Variants in MMP11 observed in about 807,000 individuals in gnomAD.
The protein encoded by MMP11 is stromelysin-3.
A neutral mutation model predicts 49.5 loss-of-function variants in MMP11; 26 were observed. That is an observed-to-expected ratio of 0.52 (90% CI 0.38 to 0.73). The LOEUF (loss-of-function observed/expected upper bound fraction) is 0.73, where lower values mean the gene tolerates loss of function less well. Among genes scored for constraint, MMP11 ranks in the 30% least tolerant of loss-of-function variants. The pLI is 0.00. For synonymous variants in MMP11, 265 were observed against 282.3 expected (o/e 0.94, Z 0.62); for missense variants, 624 against 671.2 (o/e 0.93, Z 0.78).
chr22:23,777,956 G>A (rs1022302068), intron 1 of MMP11: 7 of 152,298 alleles, frequency 4.6e-5, no homozygotes, highest in African/African-American at 1.7e-4. Context: ...GGAGCAGGGA[G>A]CGTTGGGACG....
chr22:23,781,797 T>G (rs1254893261), intron 6 of MMP11: 2 of 584,876 alleles, frequency 3.4e-6, no homozygotes, highest in Non-Finnish European at 6.6e-6. Flanking sequence ...GAGCTGGGAT[T>G]TCCATCCTCA....
rs1412333856 is a variant in MMP11, at chr22:23,772,903, C to G, written c.33C>G (p.Ala11=). 3 of 1,172,596 alleles carry G rather than the reference C, an allele frequency of 2.6e-6. No individual in the cohort carries two copies. The highest frequency in any genetic ancestry group is 4.1e-5 in the South Asian group (1 of 24,630). 72.6% of individuals were successfully genotyped at this position (1,172,596 alleles called of 1,614,324 possible). The change falls in exon 1 of 8, where the codon GCC becomes GCG. Residue 11 remains alanine (A), a synonymous_variant. Transcript: ENST00000215743. MAPAAWLRSA[A]ARALLPPMLL... ...CGGCCGCCTGGCTCCGCAGCGCGGC[C>G]GCGCGCGCCCTCCTGCCCCCGATGC...
In MMP11 at chr22:23,781,170, T is replaced by A. The variant is rs1410478261; in HGVS notation, c.859-23T>A. The stretch of plus-strand genomic sequence containing the variant: ...GTGACTGCAGCATATGCCCTCAGCA[T>A]GTGTCCCTCTCTCCCACCCCAGCCA... On this transcript the variant is annotated intron_variant, in intron 5 of 7. Transcript: ENST00000215743. 3 of 1,610,176 alleles carry A rather than the reference T, an allele frequency of 1.9e-6. No homozygotes were observed. In the South Asian group the frequency reaches 3.3e-5, roughly 18 times the overall value.
Position 23,780,771 on chromosome 22 carries a change from G to T in MMP11, c.616+56G>T. On this transcript the variant is annotated intron_variant, in intron 4 of 7. Coordinates refer to ENST00000215743, the MANE Select transcript of MMP11 (RefSeq NM_005940.5). The surrounding 1 kb of genome is among the most constrained non-coding windows in gnomAD (Gnocchi z 4.6). Reference sequence around the variant, plus strand: ...GGCAACCGAAGATCATAAAGAATGGGGACTCGCCAAGGTCACTGAGCTGGG... The same window carrying T: ...GGCAACCGAAGATCATAAAGAATGGTGACTCGCCAAGGTCACTGAGCTGGG... The T allele has an allele frequency of 5.1e-6, 8 of 1,558,040 alleles. No individual in the cohort carries two copies. The highest frequency in any genetic ancestry group is 6.9e-6 in the Non-Finnish European group (8 of 1,153,306).
rs756519070 is a variant in MMP11, at chr22:23,780,673, C to CA, written c.575dup (p.His192GlnfsTer5). ...CAAGACTCACCGAGAAGGGGATGTC[C>CA]ACTTCGACTATGATGAGACCTGGAC... On this transcript the variant is annotated frameshift_variant, in exon 4 of 8. Transcript: ENST00000215743. LOFTEE classifies it high-confidence loss of function. This position sits in a 1 kb window ranked among gnomAD's most constrained non-coding sequence, Gnocchi z 4.6. 1 of 1,577,554 alleles carries CA rather than the reference C, an allele frequency of 6.3e-7. No homozygotes were observed.
chr22:23,778,754 G>A (rs1357647927), intron 1 of MMP11, among the ~76,000 whole-genome samples: 2 of 152,238 alleles, frequency 1.3e-5, no homozygotes, highest in Non-Finnish European at 2.9e-5. Context: ...ACCCAGGTGT[G>A]TCTGAACTTA....
chr22:23,779,808 T>C (rs1927550693), intron 2 of MMP11: 1 of 289,486 alleles, frequency 3.5e-6, no homozygotes. Flanking sequence ...AGCCATGTCA[T>C]TGTCCAACTC....
chr22:23,774,918 T>G (rs977262128), intron 1 of MMP11, among the ~76,000 whole-genome samples: 2 of 152,128 alleles, frequency 1.3e-5, no homozygotes, highest in Admixed American at 6.5e-5. Context: ...CGGGGTTGAC[T>G]CCGAGTCTCT....
chr22:23,783,904 T>C lies in MMP11; in HGVS notation c.*360T>C. 3.8e-6 allele frequency: 1 copy of C among 261,146 alleles called. No individual in the cohort carries two copies. The highest frequency in any genetic ancestry group is 7.7e-6 in the Non-Finnish European group (1 of 130,372). 16.2% of individuals were successfully genotyped at this position (261,146 alleles called of 1,614,324 possible). A position where few individuals can be genotyped will look rare whatever the true frequency, so the allele number is the denominator to read the frequency against. ...AACTGGAGTGTCCTTGCTGTATCCC[T>C]GTTGTGAGGTTCCTTCCAGGGGCTG... On this transcript the variant is annotated 3_prime_UTR_variant, in exon 8 of 8. Coordinates refer to ENST00000215743, the MANE Select transcript of MMP11 (RefSeq NM_005940.5).
In MMP11 at chr22:23,783,555, G is replaced by T. The variant is rs770048394; in HGVS notation, c.*11G>T. On this transcript the variant is annotated 3_prime_UTR_variant, in exon 8 of 8. Coordinates refer to ENST00000215743, the MANE Select transcript of MMP11 (RefSeq NM_005940.5). The stretch of plus-strand genomic sequence containing the variant: ...AACACTTTCCTCTGACCATGGCTTG[G>T]ATGCCCTCAGGGGTGCTGACCCCTG... The T allele has an allele frequency of 4.3e-6, 7 of 1,614,098 alleles. No individual in the cohort carries two copies. The highest frequency in any genetic ancestry group is 5.1e-6 in the Non-Finnish European group (6 of 1,179,994).
At chr22:23,782,650 T>G in intron 7 of MMP11, 167 bp downstream of exon 7, 1 of 837,716 alleles carries the variant, frequency 1.2e-6, no homozygotes, top group Non-Finnish European at 1.8e-6. Context: ...AGTGCTACAT[T>G]CCATATTGCA....
rs756706028 is a variant in MMP11 at position 23,782,280 on chromosome 22, T to C, written c.1130T>C (p.Leu377Pro). The change falls in exon 7 of 8, where the codon CTC (leucine) becomes CCC (proline). Residue 377 changes from leucine (L) to proline (P), a missense_variant. Transcript: ENST00000215743. ...AAGCCAGTCCTGGGCCCCGCACCCC[T>C]CACCGAGCTGGGCCTGGTGAGGTTC... ...GEKPVLGPAP[L>P]TELGLVRFPV... is the part of the protein sequence containing the mutation. 1 of 1,613,606 alleles carries C rather than the reference T, an allele frequency of 6.2e-7. No homozygotes were observed. The highest frequency in any genetic ancestry group is 1.3e-5 in the African/African-American group (1 of 74,818).
At position 23,783,912 on chromosome 22, in the gene MMP11, G is replaced by C. The variant is rs1277115612; in HGVS notation, c.*368G>C. 1 of 247,428 alleles carries C rather than the reference G, an allele frequency of 4.0e-6. No individual in the cohort carries two copies. Among genetic ancestry groups the C allele is most frequent in the South Asian group, 6.9e-5 (1 of 14,528 alleles). The allele number at this position is 247,428 out of a possible 1,614,324, so 15.3% of individuals were successfully genotyped here. A position where few individuals can be genotyped will look rare whatever the true frequency, so the allele number is the denominator to read the frequency against. ...TGTCCTTGCTGTATCCCTGTTGTGA[G>C]GTTCCTTCCAGGGGCTGGCACTGAA... On this transcript the variant is annotated 3_prime_UTR_variant, in exon 8 of 8. Transcript: ENST00000215743.
rs376752301 is a variant in MMP11 at position 23,783,458 on chromosome 22, G to C, written c.1381G>C (p.Val461Leu). ...CCGCCTCTACTGGAAGTTTGACCCTGTGAAGGTGAAGGCTCTGGAAGGCTT... is the reference window on the plus strand; with the variant it reads ...CCGCCTCTACTGGAAGTTTGACCCTCTGAAGGTGAAGGCTCTGGAAGGCTT... Reference protein sequence around the residue: ...RGRLYWKFDPVKVKALEGFPR... With the variant: ...RGRLYWKFDPLKVKALEGFPR... The change falls in exon 8 of 8, where the codon GTG becomes CTG. Residue 461 changes from valine to leucine, a missense_variant. Coordinates refer to ENST00000215743, the MANE Select transcript of MMP11 (RefSeq NM_005940.5). 2 of 1,614,072 alleles carry C rather than the reference G, an allele frequency of 1.2e-6. No homozygotes were observed. The highest frequency in any genetic ancestry group is 1.7e-5 in the Admixed American group (1 of 60,014).
chr22:23,776,534 A>G (rs1927416118), intron 1 of MMP11, among the ~76,000 whole-genome samples: 1 of 152,178 alleles, frequency 6.6e-6, no homozygotes, highest in African/African-American at 2.4e-5. Context: ...CACCTCACCA[A>G]GGTGAGGCCA....
intron 1 of MMP11, among the ~76,000 whole-genome samples, chr22:23,773,225 G>A (rs1399811697): frequency 1.3e-5 from 2 of 152,210 alleles, no homozygotes; most frequent in Non-Finnish European, 2.9e-5. Context: ...ACTCACGCTT[G>A]CTCCCAGCGT....
Position 23,782,326 on chromosome 22 carries a change from C to T in MMP11, c.1176C>T (p.Val392=). 1 of 1,614,036 alleles carries T rather than the reference C, an allele frequency of 6.2e-7. No individual in the cohort carries two copies. Among genetic ancestry groups the T allele is most frequent in the Non-Finnish European group, 8.5e-7 (1 of 1,180,022 alleles). The change falls in exon 7 of 8, where the codon GTC becomes GTT. Residue 392 remains valine, a synonymous_variant. Coordinates refer to ENST00000215743, the MANE Select transcript of MMP11 (RefSeq NM_005940.5). ...LVRFPVHAAL[V]WGPEKNKIYF... ...GGTTCCCGGTCCATGCTGCCTTGGT[C>T]TGGGGTCCCGAGAAGAACAAGATCT... is the stretch of plus-strand genomic sequence containing the variant.
Position 23,780,028 on chromosome 22 carries a change from G to T in MMP11, c.339-331G>T. The T allele has an allele frequency of 5.3e-6, 2 of 375,814 alleles. No homozygotes were observed. The highest frequency in any genetic ancestry group is 9.9e-6 in the Non-Finnish European group (2 of 202,126). 23.3% of individuals were successfully genotyped at this position (375,814 alleles called of 1,614,324 possible). On this transcript the variant is annotated intron_variant, in intron 2 of 7. Transcript: ENST00000215743. This position sits in a 1 kb window ranked among gnomAD's most constrained non-coding sequence, Gnocchi z 4.6. ...GACTGGGGTCTTTAGAATTTCCTAGGTGGGGGCCTGGGAACCAACAGGGGC... is the reference window on the plus strand; with the variant it reads ...GACTGGGGTCTTTAGAATTTCCTAGTTGGGGGCCTGGGAACCAACAGGGGC...
chr22:23,778,367 C>G (rs1927490671), intron 1 of MMP11, among the ~76,000 whole-genome samples: 1 of 152,250 alleles, frequency 6.6e-6, no homozygotes, highest in African/African-American at 2.4e-5. Context: ...GAATCGCCAT[C>G]TGTGGTCCTG....
Sources: allele counts gnomAD v4.1 joint callset (sites outside exome capture counted in the v4.1 genomes callset), GRCh38; gene constraint gnomAD v4.1.1; non-coding constraint Gnocchi (gnomAD v3.1); transcripts MANE v1.5; gene names NCBI Gene and HGNC (gene_info 2026-07-23, HGNC 2026-07-21).